Variants in STX1B observed in about 807,000 individuals in gnomAD.
STX1B encodes syntaxin-1B.
STX1B carries 7 observed loss-of-function variants against 39.4 expected under a neutral mutation model. The observed-to-expected ratio is 0.18, with a 90% CI of 0.10 to 0.33. The LOEUF is 0.33. STX1B is among the 10% of genes least tolerant of loss of function. The probability of loss-of-function intolerance (pLI) is 1.00; values close to 1 mark genes in which losing one functional copy is unlikely to be tolerated. For synonymous variants in STX1B, 136 were observed against 144.1 expected, an observed-to-expected ratio of 0.94 and a Z score of 0.40; for missense variants, 198 against 383.2, an observed-to-expected ratio of 0.52 and a Z score of 4.04.
intron 1 of STX1B, among the ~76,000 whole-genome samples, chr16:31,008,237 G>A (rs1320986021): frequency 3.8e-5 from 2 of 52,488 alleles, no homozygotes; most frequent in Non-Finnish European, 7.5e-5. Flanking sequence ...TTCCCACCCC[G>A]CCCGCCCCCT....
rs17855121 is a variant in STX1B at position 30,992,848 on chromosome 16, T to C, written c.840A>G (p.Ser280=). The change falls in exon 10 of 10, where the codon TCA becomes TCG. Residue 280 remains serine, a synonymous_variant. Transcript: ENST00000215095. The stretch of plus-strand genomic sequence containing the variant: ...ACAAGCCCAGCGTCCCCCCAATGGA[T>C]GACGCCAAGACCACCCCCAGCACCA... ...CCVVLGVVLA[S]SIGGTLGL 451,561 of 1,611,714 alleles carry C rather than the reference T, an allele frequency of 0.28. 68,179 individuals carry two copies. Among genetic ancestry groups the C allele is most frequent in the Admixed American group, 0.31 (18,767 of 59,826 alleles).
At position 30,997,539 on chromosome 16, in the gene STX1B, T is replaced by C. The variant is rs750648693; in HGVS notation, c.317A>G (p.Asn106Ser). 1 of 1,610,444 alleles carries C rather than the reference T, an allele frequency of 6.2e-7. No homozygotes were observed. Among genetic ancestry groups the C allele is most frequent in the East Asian group, 2.2e-5 (1 of 44,692 alleles). ...EQSIEQEEGL[N>S]RSSADLRIRK... is the part of the protein sequence containing the mutation. ...GATGCGCAGGTCCGCGGAGGAACGG[T>C]TCAGCCCCTCCTCCTGTTCAATGCT... Residue 106 changes from asparagine (N) to serine (S), a missense_variant, in exon 5 of 10, where the codon AAC (asparagine) becomes AGC (serine). By Grantham distance (46) the Asn-to-Ser change is conservative. Transcript: ENST00000215095.
In STX1B at chr16:30,992,725, T is replaced by C; in HGVS notation, c.*96A>G. Reference sequence around the variant, plus strand: ...GGGCTGCCTGGGTCTGTTTTGGGAGTGAGCCTGGAGCAGGGGATGGAGTGA... The same window carrying C: ...GGGCTGCCTGGGTCTGTTTTGGGAGCGAGCCTGGAGCAGGGGATGGAGTGA... On this transcript the variant is annotated 3_prime_UTR_variant, in exon 10 of 10. Transcript: ENST00000215095. The C allele has an allele frequency of 1.4e-6, 1 of 694,316 alleles. No homozygotes were observed. The highest frequency in any genetic ancestry group is 2.4e-6 in the Non-Finnish European group (1 of 420,322). 43.0% of individuals were successfully genotyped at this position (694,316 alleles called of 1,614,324 possible).
At chr16:30,996,879 A>G (rs1412104932) in intron 6 of STX1B, 72 bp downstream of exon 6, 4 of 1,565,662 alleles carry the variant, frequency 2.6e-6, no homozygotes, top group Non-Finnish European at 3.5e-6. Flanking sequence ...CCCCCTCCAG[A>G]GAGGAAATGC....
At chr16:30,994,296 A>G (rs1449885880) in intron 7 of STX1B, among the ~76,000 whole-genome samples, 3 of 151,690 alleles carry the variant, frequency 2.0e-5, no homozygotes, top group Non-Finnish European at 4.4e-5. Context: ...CGTCTCAAAA[A>G]AAAAAAAAAG....
rs1410812152 is a variant in STX1B, at chr16:30,991,883, C to T, written c.*938G>A. On this transcript the variant is annotated 3_prime_UTR_variant, in exon 10 of 10. Coordinates refer to ENST00000215095, the MANE Select transcript of STX1B (RefSeq NM_052874.5). ...ACTCCGTCTCGAAAAAAACAAAAAA[C>T]AAAAAACAAAAAAAAATTAAAAAGC... The T allele has an allele frequency of 6.6e-6, 1 of 151,816 alleles. No homozygotes were observed. The highest frequency in any genetic ancestry group is 1.5e-5 in the Non-Finnish European group (1 of 68,040). 9.4% of individuals were successfully genotyped at this position (151,816 alleles called of 1,614,324 possible).
Position 31,001,630 on chromosome 16 carries a change from G to A in STX1B, c.31-27C>T, listed in dbSNP as rs780325702. 2 of 1,599,524 alleles carry A rather than the reference G, an allele frequency of 1.3e-6. No homozygotes were observed. Among genetic ancestry groups the A allele is most frequent in the Non-Finnish European group, 1.7e-6 (2 of 1,169,962 alleles). On this transcript the variant is annotated intron_variant, in intron 1 of 9. Transcript: ENST00000215095. This position sits in a 1 kb window ranked among gnomAD's most constrained non-coding sequence, Gnocchi z 5.5. ...TGGGGACAAGGAAGGCTGAGTCCAT[G>A]AGCAGGCCCTACCTGGGTCCCCAAG...
intron 1 of STX1B, among the ~76,000 whole-genome samples, chr16:31,002,984 G>GGATCCCAGACA (rs1485794658): frequency 6.6e-6 from 1 of 152,208 alleles, no homozygotes; most frequent in South Asian, 2.1e-4. Flanking sequence ...AGGCTCACAC[G>GGATCCCAGACA]GATCCCAGAC....
Position 30,991,170 on chromosome 16 carries a change from A to T in STX1B, c.*1651T>A, listed in dbSNP as rs1343689960. On this transcript the variant is annotated 3_prime_UTR_variant, in exon 10 of 10. Coordinates refer to ENST00000215095, the MANE Select transcript of STX1B (RefSeq NM_052874.5). ...AAGTAGCCCTTTCCTTCCAGGAGGC[A>T]TTCGTGTGATCCCCGCACCCATGCC... is the stretch of plus-strand genomic sequence containing the variant. The T allele has an allele frequency of 6.5e-6, 1 of 152,700 alleles. No individual in the cohort carries two copies. Among genetic ancestry groups the T allele is most frequent in the Non-Finnish European group, 1.5e-5 (1 of 68,080 alleles). 9.5% of individuals were successfully genotyped at this position (152,700 alleles called of 1,614,324 possible). A position where few individuals can be genotyped will look rare whatever the true frequency, so the allele number is the denominator to read the frequency against.
At chr16:30,993,629 C>T (rs749694605) in intron 7 of STX1B, 145 bp from the exon 8 acceptor site, 101 of 924,172 alleles carry the variant, frequency 1.1e-4, no homozygotes, top group Non-Finnish European at 1.6e-4. Context: ...CTCAGTTTCC[C>T]CACCTAGAAA....
At chr16:31,000,694 C>A (rs2056622104) in intron 4 of STX1B, among the ~76,000 whole-genome samples, 1 of 152,034 alleles carries the variant, frequency 6.6e-6, no homozygotes, top group Non-Finnish European at 1.5e-5. Flanking sequence ...GTTTCACCAT[C>A]TTGGCCAGGC....
intron 7 of STX1B, among the ~76,000 whole-genome samples, chr16:30,993,800 C>CT (rs1376356370): frequency 6.6e-6 from 1 of 152,150 alleles, no homozygotes; most frequent in African/African-American, 2.4e-5. Flanking sequence ...GCCTGGCCAA[C>CT]ATGGCGAAAC....
intron 4 of STX1B, among the ~76,000 whole-genome samples, chr16:31,000,588 G>A (rs1460932139): frequency 6.6e-6 from 1 of 151,602 alleles, no homozygotes; most frequent in East Asian, 2.0e-4. Flanking sequence ...CACCTCCCGG[G>A]TTCAAGCAAT....
chr16:31,001,037 G>T lies in STX1B; in HGVS notation c.206-35C>A, dbSNP rs1360335244. The T allele has an allele frequency of 6.2e-7, 1 of 1,613,954 alleles. No homozygotes were observed. Among genetic ancestry groups the T allele is most frequent in the Non-Finnish European group, 8.5e-7 (1 of 1,179,928 alleles). ...GGGCGAGGGCAAGTGAGATGTCTGG[G>T]TGGGAACCCCAGGCCCCTTCTCCTC... On this transcript the variant is annotated intron_variant, in intron 3 of 9. Transcript: ENST00000215095. The surrounding 1 kb of genome is among the most constrained non-coding windows in gnomAD (Gnocchi z 5.5).
intron 7 of STX1B, among the ~76,000 whole-genome samples, chr16:30,995,717 C>CTG (rs2056588344): frequency 6.6e-6 from 1 of 152,120 alleles, no homozygotes; most frequent in Non-Finnish European, 1.5e-5. Flanking sequence ...TCTCGAACTC[C>CTG]TGACCTCAGG....
At chr16:30,993,272 A>G (rs1351049931) in intron 8 of STX1B, 32 bp from the exon 9 acceptor site, 1 of 1,613,598 alleles carries the variant, frequency 6.2e-7, no homozygotes, top group South Asian at 1.1e-5. Context: ...ACAGGGAGGG[A>G]TGGGGGCTGG....
chr16:31,000,325 G>GT (rs1567379068), intron 4 of STX1B, among the ~76,000 whole-genome samples: 4 of 37,170 alleles, frequency 1.1e-4, no homozygotes, highest in African/African-American at 3.4e-4. Flanking sequence ...TTGTTTGTTT[G>GT]TTTTTTGTTT....
At chr16:31,004,349 CT>C (rs1468536385) in intron 1 of STX1B, among the ~76,000 whole-genome samples, 1 of 152,132 alleles carries the variant, frequency 6.6e-6, no homozygotes, top group Admixed American at 6.6e-5. Context: ...TTATAGCCCC[CT>C]TTTATAGATG....
In STX1B at chr16:31,010,497, G is replaced by T; in HGVS notation, c.-101C>A. On this transcript the variant is annotated 5_prime_UTR_variant, in exon 1 of 10. Transcript: ENST00000215095. Reference sequence around the variant, plus strand: ...AGGCCGGGGTCTGGGGGCGCCGGGGGGCGCCGCGGCCGCTGCGGGGGGCCT... The same window carrying T: ...AGGCCGGGGTCTGGGGGCGCCGGGGTGCGCCGCGGCCGCTGCGGGGGGCCT... 1 of 905,848 alleles carries T rather than the reference G, an allele frequency of 1.1e-6. No individual in the cohort carries two copies. Among genetic ancestry groups the T allele is most frequent in the Non-Finnish European group, 1.4e-6 (1 of 699,116 alleles). The allele number at this position is 905,848 out of a possible 1,614,324, so 56.1% of individuals were successfully genotyped here. A position where few individuals can be genotyped will look rare whatever the true frequency, so the allele number is the denominator to read the frequency against.
Sources: gnomAD v4.1 joint callset for allele counts (sites outside exome capture counted in the v4.1 genomes callset) on GRCh38, gnomAD v4.1.1 for gene constraint, Gnocchi (gnomAD v3.1) non-coding constraint, MANE v1.5 for transcripts, NCBI Gene and HGNC (gene_info 2026-07-23, HGNC 2026-07-21) for gene names.